PTPRN2: variants seen among roughly 807,000 people sequenced by gnomAD.
PTPRN2 encodes the protein protein tyrosine phosphatase receptor type N2.
PTPRN2 carries 74 observed loss-of-function variants against 118.8 expected under a neutral mutation model. The observed-to-expected ratio is 0.62, with a 90% confidence interval of 0.52 to 0.76. PTPRN2 has a LOEUF of 0.76. PTPRN2 is among the 30% of genes least tolerant of loss of function. The pLI, the probability that PTPRN2 is intolerant of heterozygous loss-of-function variation, is 0.00. For missense variants in PTPRN2, 1,481 were observed against 1,394.4 expected, an observed-to-expected ratio of 1.06 and a Z score of -0.99; for synonymous variants, 641 against 608.0, an observed-to-expected ratio of 1.05 and a Z score of -0.80.
intron 12 of PTPRN2, among the ~76,000 whole-genome samples, chr7:157,878,808 TGGAA>T (rs1795945236): frequency 2.3e-5 from 2 of 88,554 alleles, no homozygotes; most frequent in Non-Finnish European, 4.4e-5. Flanking sequence ...TCCGTGGGGC[TGGAA>T]GGGTCAGTGT....
chr7:157,821,447 T>C (rs540644488), intron 12 of PTPRN2, among the ~76,000 whole-genome samples: 5 of 152,232 alleles, frequency 3.3e-5, no homozygotes, highest in African/African-American at 1.2e-4. Flanking sequence ...TTGGAGAGCA[T>C]GTGGGGAGGC....
intron 12 of PTPRN2, among the ~76,000 whole-genome samples, chr7:157,803,782 T>C (rs1805465232): frequency 6.6e-6 from 1 of 152,118 alleles, no homozygotes. Flanking sequence ...TATAAGTCTG[T>C]TTTTATGCCA....
At chr7:158,513,634 A>AG (rs1823330730) in intron 1 of PTPRN2, among the ~76,000 whole-genome samples, 1 of 151,732 alleles carries the variant, frequency 6.6e-6, no homozygotes, top group Non-Finnish European at 1.5e-5. Flanking sequence ...ACAGAGAGAG[A>AG]AATAGCCACA....
At chr7:157,793,088 G>C (rs113289385) in intron 12 of PTPRN2, among the ~76,000 whole-genome samples, 2 of 151,978 alleles carry the variant, frequency 1.3e-5, no homozygotes, top group Admixed American at 1.3e-4. Context: ...CGCTGTGCCC[G>C]GGGAGAGGAA....
At chr7:158,130,913 A>ACACACT (rs1158428034) in intron 9 of PTPRN2, among the ~76,000 whole-genome samples, 1 of 18,788 alleles carries the variant, frequency 5.3e-5, no homozygotes, top group Non-Finnish European at 8.1e-5. Flanking sequence ...CTACCGACAC[A>ACACACT]CACACTCATA....
rs1174854362 is a variant in PTPRN2 at position 158,192,484 on chromosome 7, T to C, written c.392A>G (p.His131Arg). Residue 131 changes from histidine to arginine, a missense_variant, in exon 5 of 23, where the codon CAC (histidine) becomes CGC (arginine). Physicochemically the swap from His to Arg is conservative, Grantham distance 29. Coordinates refer to ENST00000389418, the MANE Select transcript of PTPRN2 (RefSeq NM_002847.5). ...EASSPARPSK[H>R]SVGSERRYSR... is the part of the protein sequence containing the mutation. ...GTACCTCCTCTCGCTGCCAACGCTG[T>C]GTTTTGAGGGCCTGAAAAAGCAAAA... 6.3e-7 allele frequency: 1 copy of C among 1,581,440 alleles called. No homozygotes were observed. Among genetic ancestry groups the C allele is most frequent in the Admixed American group, 1.9e-5 (1 of 54,046 alleles).
At chr7:157,758,733 A>G (rs1801959597) in intron 12 of PTPRN2, among the ~76,000 whole-genome samples, 1 of 142,440 alleles carries the variant, frequency 7.0e-6, no homozygotes, top group Non-Finnish European at 1.5e-5. Context: ...AGAGACGTGG[A>G]GGCAGTGGTC....
chr7:157,918,904 G>A (rs1585015802), intron 11 of PTPRN2, among the ~76,000 whole-genome samples: 1 of 152,194 alleles, frequency 6.6e-6, no homozygotes, highest in African/African-American at 2.4e-5. Context: ...GCTGCGCTTG[G>A]CACTTTAACT....
chr7:157,698,060 G>A (rs1369674992), intron 12 of PTPRN2, among the ~76,000 whole-genome samples: 1 of 152,158 alleles, frequency 6.6e-6, no homozygotes, highest in African/African-American at 2.4e-5. Flanking sequence ...TTATCCCACA[G>A]GACAAATTCA....
chr7:158,485,878 G>C (rs750901164), intron 2 of PTPRN2, among the ~76,000 whole-genome samples: 12 of 152,208 alleles, frequency 7.9e-5, no homozygotes, highest in Non-Finnish European at 7.3e-5. Flanking sequence ...CATCGTATTA[G>C]ATGCTCAGTT....
intron 15 of PTPRN2, among the ~76,000 whole-genome samples, chr7:157,605,744 A>C (rs1397079305): frequency 2.0e-5 from 3 of 152,190 alleles, no homozygotes; most frequent in Non-Finnish European, 4.4e-5. Context: ...GCAGCTGGTC[A>C]TCCCCATGTC....
At chr7:158,320,739 G>A (rs911841526) in intron 2 of PTPRN2, among the ~76,000 whole-genome samples, 1 of 152,162 alleles carries the variant, frequency 6.6e-6, no homozygotes, top group African/African-American at 2.4e-5. Context: ...TGATGTGGGT[G>A]TCCTTTATTC....
intron 12 of PTPRN2, among the ~76,000 whole-genome samples, chr7:157,896,381 G>A (rs117256320): frequency 0.069 from 10,562 of 152,224 alleles, 498 homozygotes; most frequent in Non-Finnish European, 0.1. Flanking sequence ...CTCCTCCAGC[G>A]TGGGAAGAGC....
At chr7:157,726,306 C>G (rs1478922189) in intron 12 of PTPRN2, among the ~76,000 whole-genome samples, 1 of 148,546 alleles carries the variant, frequency 6.7e-6, no homozygotes, top group African/African-American at 2.5e-5. Context: ...CCCTCGCCTC[C>G]CAGGAGAACT....
chr7:158,020,967 C>T (rs997382921), intron 11 of PTPRN2, among the ~76,000 whole-genome samples: 10 of 152,122 alleles, frequency 6.6e-5, no homozygotes, highest in African/African-American at 1.7e-4. Flanking sequence ...TCGGGTCAGA[C>T]GGTTTTTGCT....
At chr7:157,825,114 G>T (rs1807087456) in intron 12 of PTPRN2, among the ~76,000 whole-genome samples, 1 of 152,186 alleles carries the variant, frequency 6.6e-6, no homozygotes, top group African/African-American at 2.4e-5. Flanking sequence ...TCTGTAGCTG[G>T]ACACGTGGAT....
chr7:158,038,301 A>C (rs1479542996), intron 11 of PTPRN2, among the ~76,000 whole-genome samples: 1 of 152,238 alleles, frequency 6.6e-6, no homozygotes, highest in Non-Finnish European at 1.5e-5. Flanking sequence ...CTGCAGGAGA[A>C]AGGGTATTTC....
At chr7:158,146,546 C>A (rs1454417298) in intron 6 of PTPRN2, among the ~76,000 whole-genome samples, 1 of 151,596 alleles carries the variant, frequency 6.6e-6, no homozygotes, top group African/African-American at 2.4e-5. Context: ...ATGGTGAAAC[C>A]CCATCTCTAC....
Position 157,648,612 on chromosome 7 carries a change from C to T in PTPRN2, c.2196+7745G>A, listed in dbSNP as rs550539269. ...AACTCGGTGGGTCGGACCCATCCAG[C>T]GTGCACTGAACTCGGTGGGTTGGAC... On this transcript the variant is annotated intron_variant, in intron 14 of 22. Transcript: ENST00000389418. 7.7e-4 allele frequency among the ~76,000 whole-genome samples: 87 copies of T among 113,098 alleles called. 3 individuals carry two copies. The highest frequency in any genetic ancestry group is 2.3e-3 in the African/African-American group (71 of 30,556). 74.2% of individuals were successfully genotyped at this position (113,098 alleles called of 152,430 possible). A position where few individuals can be genotyped will look rare whatever the true frequency, so the allele number is the denominator to read the frequency against.
Sources: allele counts gnomAD v4.1 joint callset (sites outside exome capture counted in the v4.1 genomes callset), GRCh38; gene constraint gnomAD v4.1.1; transcripts MANE v1.5; gene names NCBI Gene and HGNC (gene_info 2026-07-23, HGNC 2026-07-21).